TUNAR: variants seen among roughly 807,000 people sequenced by gnomAD.
The protein encoded by TUNAR is transmembrane neural differentiation associated intracellular calcium regulator, also known as protein TUNAR.
intron 2 of TUNAR, among the ~76,000 whole-genome samples, chr14:95,918,416 C>T (rs1463176469): frequency 6.6e-6 from 1 of 152,244 alleles, no homozygotes; most frequent in East Asian, 1.9e-4. Context: ...TGTTCATCCT[C>T]CAGACCCTGG....
intron 2 of TUNAR, among the ~76,000 whole-genome samples, chr14:95,891,477 G>T (rs1889179883): frequency 1.3e-5 from 2 of 152,214 alleles, no homozygotes; most frequent in African/African-American, 4.8e-5. Context: ...GCAAGTCTGG[G>T]ATAGGGCAAG....
chr14:95,905,948 T>A (rs754586185), intron 2 of TUNAR, among the ~76,000 whole-genome samples: 1 of 152,246 alleles, frequency 6.6e-6, no homozygotes, highest in Non-Finnish European at 1.5e-5. Flanking sequence ...AATCTAATCC[T>A]GTGGTTATTT....
At chr14:95,915,476 T>C (rs961848914) in intron 2 of TUNAR, among the ~76,000 whole-genome samples, 1 of 152,218 alleles carries the variant, frequency 6.6e-6, no homozygotes, top group African/African-American at 2.4e-5. Flanking sequence ...GAGCATCTTA[T>C]AGGCTTAGCC....
intron 2 of TUNAR, among the ~76,000 whole-genome samples, chr14:95,901,261 G>A (rs375609588): frequency 1.3e-5 from 2 of 152,232 alleles, no homozygotes; most frequent in African/African-American, 4.8e-5. Context: ...AAATGCTCGA[G>A]CAGAAATCTG....
At chr14:95,896,929 A>C (rs959415039) in intron 2 of TUNAR, among the ~76,000 whole-genome samples, 2 of 152,190 alleles carry the variant, frequency 1.3e-5, no homozygotes, top group African/African-American at 2.4e-5. Flanking sequence ...CCTGCTTAGC[A>C]GGCTCTAAAA....
exon 3 of TUNAR, chr14:95,923,020 G>C (rs182434403): frequency 1.0e-5 from 4 of 398,858 alleles, no homozygotes; most frequent in Non-Finnish European, 1.8e-5. Context: ...GAAGTCCTGC[G>C]TGTCGGCGCA....
intron 2 of TUNAR, among the ~76,000 whole-genome samples, chr14:95,920,609 G>A (rs1342475511): frequency 1.3e-5 from 2 of 152,146 alleles, no homozygotes; most frequent in East Asian, 1.9e-4. Context: ...CTTCACTGAT[G>A]TGCTTGCCTC....
At chr14:95,896,994 A>G (rs566887388) in intron 2 of TUNAR, among the ~76,000 whole-genome samples, 1 of 152,376 alleles carries the variant, frequency 6.6e-6, no homozygotes, top group South Asian at 2.1e-4. Flanking sequence ...TTGTTCCTTC[A>G]AATAGCTCTG....
At chr14:95,897,218 T>A (rs1243573979) in intron 2 of TUNAR, among the ~76,000 whole-genome samples, 1 of 152,220 alleles carries the variant, frequency 6.6e-6, no homozygotes, top group Non-Finnish European at 1.5e-5. Flanking sequence ...AGGATTTGCA[T>A]CCAGACAGTG....
At chr14:95,912,554 C>T (rs1197745747) in intron 2 of TUNAR, among the ~76,000 whole-genome samples, 1 of 152,104 alleles carries the variant, frequency 6.6e-6, no homozygotes, top group Non-Finnish European at 1.5e-5. Context: ...GATGAAGTTC[C>T]AGTCAACCAC....
intron 2 of TUNAR, among the ~76,000 whole-genome samples, chr14:95,877,680 C>T (rs1424561999): frequency 6.6e-6 from 1 of 152,178 alleles, no homozygotes; most frequent in African/African-American, 2.4e-5. Context: ...CCAGACTGTT[C>T]CCTTTGTAAC....
intron 2 of TUNAR, among the ~76,000 whole-genome samples, chr14:95,881,031 A>C (rs56300342): frequency 6.6e-6 from 1 of 152,248 alleles, no homozygotes; most frequent in Non-Finnish European, 1.5e-5. Flanking sequence ...GTTTAAATCA[A>C]CCCGTGCTGG....
intron 2 of TUNAR, among the ~76,000 whole-genome samples, chr14:95,889,487 C>T (rs1271378990): frequency 6.6e-6 from 1 of 150,822 alleles, no homozygotes; most frequent in Non-Finnish European, 1.5e-5. Flanking sequence ...TCCTCCGCCT[C>T]CACTATTCAC....
chr14:95,905,406 A>T (rs1889415831), intron 2 of TUNAR, among the ~76,000 whole-genome samples: 1 of 152,138 alleles, frequency 6.6e-6, no homozygotes, highest in Admixed American at 6.5e-5. Context: ...CATGACCCTA[A>T]CACTTCAGAA....
chr14:95,911,611 A>G (rs190074625), intron 2 of TUNAR, among the ~76,000 whole-genome samples: 45 of 152,356 alleles, frequency 3.0e-4, no homozygotes, highest in African/African-American at 1.0e-3. Flanking sequence ...GGAGCTTGCC[A>G]TCGTAGATAG....
intron 2 of TUNAR, among the ~76,000 whole-genome samples, chr14:95,919,047 T>G (rs1005616371): frequency 1.3e-5 from 2 of 152,116 alleles, no homozygotes; most frequent in Non-Finnish European, 2.9e-5. Flanking sequence ...GAGACTCCAT[T>G]AGAGACATGA....
intron 2 of TUNAR, among the ~76,000 whole-genome samples, chr14:95,916,523 C>T (rs796625874): frequency 6.6e-6 from 1 of 152,168 alleles, no homozygotes; most frequent in African/African-American, 2.4e-5. Context: ...TCCAGGCCAC[C>T]GCTGATGGCC....
rs1032726658 is a variant in TUNAR at position 95,895,496 on chromosome 14, G to A, written c.12+18319G>A. Among the ~76,000 whole-genome samples the A allele has an allele frequency of 2.6e-5, 4 of 152,144 alleles. No individual in the cohort carries two copies. Reference sequence around the variant, plus strand: ...AGCGGAGAGTTGTCAAATGAGGCAAGCCAAAACCCAGGCAGTGGGATGGTC... The same window carrying A: ...AGCGGAGAGTTGTCAAATGAGGCAAACCAAAACCCAGGCAGTGGGATGGTC... On this transcript the variant is annotated intron_variant, in intron 2 of 2. Coordinates refer to ENST00000678517, the Ensembl canonical transcript of TUNAR. This position sits in a 1 kb window ranked among gnomAD's most constrained non-coding sequence, Gnocchi z 4.5.
intron 2 of TUNAR, among the ~76,000 whole-genome samples, chr14:95,883,900 G>T (rs1045981374): frequency 6.6e-6 from 1 of 152,148 alleles, no homozygotes; most frequent in African/African-American, 2.4e-5. Context: ...GGGGATGGGG[G>T]TGCCCAGAAT....
Sources: allele counts gnomAD v4.1 joint callset (sites outside exome capture counted in the v4.1 genomes callset), GRCh38; gene constraint gnomAD v4.1.1; non-coding constraint Gnocchi (gnomAD v3.1); transcripts MANE v1.5; gene names NCBI Gene and HGNC (gene_info 2026-07-23, HGNC 2026-07-21).